Variants in NOL4 observed in about 807,000 individuals in gnomAD.
The protein encoded by NOL4 is cancer/testis antigen 125.
A neutral mutation model predicts 75.9 loss-of-function variants in NOL4; 17 were observed. That is an observed-to-expected ratio of 0.22 (90% confidence interval 0.15 to 0.34). The LOEUF (loss-of-function observed/expected upper bound fraction) is 0.34, where lower values mean the gene tolerates loss of function less well. NOL4 is among the 10% of genes least tolerant of loss of function. The probability of loss-of-function intolerance (pLI) is 1.00; values close to 1 mark genes in which losing one functional copy is unlikely to be tolerated. For missense variants in NOL4, 614 were observed against 793.5 expected, an observed-to-expected ratio of 0.77 and a Z score of 2.72; for synonymous variants, 292 against 289.9, an observed-to-expected ratio of 1.01 and a Z score of -0.07.
intron 9 of NOL4, among the ~76,000 whole-genome samples, chr18:33,942,231 G>A (rs961602852): frequency 5.3e-5 from 8 of 151,944 alleles, no homozygotes; most frequent in Admixed American, 1.3e-4. Context: ...GCAATATAAA[G>A]CATATAATCC....
At chr18:34,214,043 G>A (rs1043765881) in intron 1 of NOL4, among the ~76,000 whole-genome samples, 17 of 152,082 alleles carry the variant, frequency 1.1e-4, no homozygotes, top group African/African-American at 4.1e-4. Context: ...ATAACTAAGA[G>A]GTCAACAATT....
chr18:34,158,111 T>C (rs971649598), intron 1 of NOL4, among the ~76,000 whole-genome samples: 3 of 152,202 alleles, frequency 2.0e-5, no homozygotes, highest in Admixed American at 1.3e-4. Flanking sequence ...TGCAGAACTA[T>C]GTAAGGAAAC....
intron 6 of NOL4, among the ~76,000 whole-genome samples, chr18:34,010,437 C>A (rs550255287): frequency 1.3e-5 from 2 of 151,828 alleles, no homozygotes; most frequent in Non-Finnish European, 2.9e-5. Flanking sequence ...ATCTTAGCAA[C>A]TGTGAATAGT....
intron 1 of NOL4, among the ~76,000 whole-genome samples, chr18:34,206,327 G>A (rs1179067590): frequency 6.6e-6 from 1 of 152,196 alleles, no homozygotes; most frequent in East Asian, 1.9e-4. Context: ...TATAGAATAA[G>A]AGTAATCTAC....
intron 1 of NOL4, among the ~76,000 whole-genome samples, chr18:34,215,702 G>C (rs1034137091): frequency 6.6e-6 from 1 of 152,082 alleles, no homozygotes; most frequent in East Asian, 1.9e-4. Flanking sequence ...GGGATATCTT[G>C]GTGAAAACAC....
chr18:33,980,310 A>T (rs972904162), intron 6 of NOL4, among the ~76,000 whole-genome samples: 1 of 152,034 alleles, frequency 6.6e-6, no homozygotes, highest in African/African-American at 2.4e-5. Flanking sequence ...GGAAACTTAG[A>T]ACTTAGTCAT....
chr18:33,938,724 G>C (rs1169696343), intron 9 of NOL4, among the ~76,000 whole-genome samples: 1 of 152,094 alleles, frequency 6.6e-6, no homozygotes, highest in Non-Finnish European at 1.5e-5. Flanking sequence ...CATTCTGTAG[G>C]TTGCTTGTTC....
chr18:34,073,961 G>A (rs1465439393), intron 5 of NOL4, among the ~76,000 whole-genome samples: 4 of 151,848 alleles, frequency 2.6e-5, no homozygotes, highest in Non-Finnish European at 5.9e-5. Context: ...GAAAGAATGG[G>A]TGAATGCTAT....
At chr18:34,089,279 T>A (rs1003220959) in intron 5 of NOL4, among the ~76,000 whole-genome samples, 20 of 152,044 alleles carry the variant, frequency 1.3e-4, no homozygotes, top group Admixed American at 5.9e-4. Flanking sequence ...TAAAAAAAAA[T>A]TTTAATTTAA....
chr18:33,853,259 T>G (rs1013520595), intron 10 of NOL4, among the ~76,000 whole-genome samples: 1 of 152,126 alleles, frequency 6.6e-6, no homozygotes, highest in African/African-American at 2.4e-5. Context: ...AATCAGCCTC[T>G]GGAAATCACC....
At chr18:34,075,944 C>A (rs1337798143) in intron 5 of NOL4, among the ~76,000 whole-genome samples, 2 of 151,978 alleles carry the variant, frequency 1.3e-5, no homozygotes, top group Non-Finnish European at 2.9e-5. Flanking sequence ...TTTAGGTGTT[C>A]ATTTATAATT....
At chr18:34,008,963 T>G (rs1245710153) in intron 6 of NOL4, among the ~76,000 whole-genome samples, 1 of 151,978 alleles carries the variant, frequency 6.6e-6, no homozygotes, top group African/African-American at 2.4e-5. Context: ...GGAAGCAAGC[T>G]TCACGCATGT....
At chr18:34,213,570 G>A (rs1025591006) in intron 1 of NOL4, among the ~76,000 whole-genome samples, 1 of 152,198 alleles carries the variant, frequency 6.6e-6, no homozygotes, top group Admixed American at 6.5e-5. Context: ...TTACAGGCAT[G>A]AGCCACTGCG....
In NOL4 at chr18:33,895,443, G is replaced by A. The variant is rs544224326; in HGVS notation, c.1543-12019C>T. ...AAAGTAAATGTATTTTTTATAGGTT[G>A]GTAACATTTAATTTGGAGTTTGTTA... On this transcript the variant is annotated intron_variant, in intron 9 of 10. Coordinates refer to ENST00000261592, the MANE Select transcript of NOL4 (RefSeq NM_003787.5). Among the ~76,000 whole-genome samples, 22 of 152,006 alleles carry A rather than the reference G, an allele frequency of 1.4e-4. No homozygotes were observed. The East Asian group carries it at 3.3e-3, about 23-fold the overall frequency.
At chr18:33,864,713 A>G (rs985609414) in intron 10 of NOL4, among the ~76,000 whole-genome samples, 1 of 152,078 alleles carries the variant, frequency 6.6e-6, no homozygotes, top group Non-Finnish European at 1.5e-5. Context: ...AATTTCCTAT[A>G]TTAGTCTATT....
chr18:34,020,151 A>C (rs1330448538), intron 5 of NOL4, among the ~76,000 whole-genome samples: 2 of 152,078 alleles, frequency 1.3e-5, no homozygotes, highest in African/African-American at 2.4e-5. Flanking sequence ...TTTATAAATT[A>C]CCCAGTCTCA....
chr18:34,013,686 C>T (rs1475876369), intron 6 of NOL4, among the ~76,000 whole-genome samples: 1 of 151,920 alleles, frequency 6.6e-6, no homozygotes, highest in African/African-American at 2.4e-5. Context: ...AACTCAGGAA[C>T]CTTCCAAGGC....
intron 6 of NOL4, among the ~76,000 whole-genome samples, chr18:34,012,065 T>C (rs1234722014): frequency 2.0e-5 from 3 of 151,928 alleles, no homozygotes; most frequent in Non-Finnish European, 2.9e-5. Context: ...ATAGTAGGCA[T>C]AGGCACTTGT....
chr18:33,976,526 C>G (rs2071500823), intron 6 of NOL4, among the ~76,000 whole-genome samples: 1 of 152,024 alleles, frequency 6.6e-6, no homozygotes, highest in Admixed American at 6.6e-5. Context: ...CTTTTGATAC[C>G]TCAGTTTAGT....
Sources: gnomAD v4.1 joint callset for allele counts (sites outside exome capture counted in the v4.1 genomes callset) on GRCh38, gnomAD v4.1.1 for gene constraint, MANE v1.5 for transcripts, NCBI Gene and HGNC (gene_info 2026-07-23, HGNC 2026-07-21) for gene names.